The following SCFD1 variants were observed in gnomAD, a reference collection of about 807,000 sequenced individuals.
SCFD1 encodes the protein sec1 family domain containing 1.
SCFD1 carries 37 observed loss-of-function variants against 103.2 expected under a neutral mutation model. The ratio of observed to expected loss-of-function variants is 0.36; its 90% confidence interval spans 0.28 to 0.47. SCFD1 has a LOEUF of 0.47. Ranked by LOEUF, SCFD1 falls within the 20% of genes least tolerant of loss-of-function variation. SCFD1 has a pLI of 1.00. For missense variants in SCFD1, 639 were observed against 761.2 expected, an observed-to-expected ratio of 0.84 and a Z score of 1.89; for synonymous variants, 264 against 245.0, an observed-to-expected ratio of 1.08 and a Z score of -0.73.
At position 30,650,584 on chromosome 14, in the gene SCFD1, G is replaced by A. The variant is rs1158287996; in HGVS notation, c.689G>A (p.Arg230Gln). ...TTTCAGAAACTAGACAAGAAACTTCGAGAAAATCTAAGAGATGCAAGAAAC... is the reference window on the plus strand; with the variant it reads ...TTTCAGAAACTAGACAAGAAACTTCAAGAAAATCTAAGAGATGCAAGAAAC... Reference protein sequence around the residue: ...MVAVKLDKKLRENLRDARNSL... With the variant: ...MVAVKLDKKLQENLRDARNSL... The change falls in exon 9 of 25, where the codon CGA (arginine) becomes CAA (glutamine). Residue 230 changes from arginine (R) to glutamine (Q), a missense_variant. Physicochemically the swap from Arg to Gln is conservative, Grantham distance 43. Transcript: ENST00000458591. The A allele has an allele frequency of 6.2e-6, 10 of 1,607,824 alleles. No individual in the cohort carries two copies. Among genetic ancestry groups the A allele is most frequent in the African/African-American group, 1.3e-5 (1 of 74,846 alleles).
At chr14:30,707,541 G>A (rs991089928) in intron 18 of SCFD1, among the ~76,000 whole-genome samples, 4 of 152,048 alleles carry the variant, frequency 2.6e-5, no homozygotes, top group South Asian at 2.1e-4. Flanking sequence ...TGACTTACTC[G>A]TAATACTTGC....
At chr14:30,679,676 A>G (rs1400351897) in intron 14 of SCFD1, among the ~76,000 whole-genome samples, 2 of 127,878 alleles carry the variant, frequency 1.6e-5, no homozygotes, top group African/African-American at 2.6e-5. Flanking sequence ...TTCTTCACAT[A>G]AACTGACTTT....
At chr14:30,632,722 G>C (rs151068) in intron 3 of SCFD1, among the ~76,000 whole-genome samples, 1 of 152,162 alleles carries the variant, frequency 6.6e-6, no homozygotes, top group Non-Finnish European at 1.5e-5. Flanking sequence ...TTAAGTGATT[G>C]TCTCACATTT....
chr14:30,650,651 G>T lies in SCFD1; in HGVS notation c.755+1G>T, dbSNP rs2139101757. On this transcript the variant is annotated splice_donor_variant, in intron 9 of 24. Coordinates refer to ENST00000458591, the MANE Select transcript of SCFD1 (RefSeq NM_016106.4). LOFTEE classifies it high-confidence loss of function. ...ATACACTTGGAGCTGGCCAATTCAG[G>T]TATTACTGTTATTAAATACACTTGT... is the stretch of plus-strand genomic sequence containing the variant. 1 of 1,540,056 alleles carries T rather than the reference G, an allele frequency of 6.5e-7. No homozygotes were observed.
intron 21 of SCFD1, 34 bp downstream of exon 21, chr14:30,719,411 T>A: frequency 6.5e-7 from 1 of 1,528,584 alleles, no homozygotes; most frequent in Non-Finnish European, 9.0e-7. Context: ...ACTTGTGGAT[T>A]TTTTCCCCTC....
chr14:30,622,407 C>T lies in SCFD1; in HGVS notation c.61+8C>T, dbSNP rs1451081649. The T allele has an allele frequency of 2.1e-5, 32 of 1,551,718 alleles. No homozygotes were observed. The highest frequency in any genetic ancestry group is 2.6e-5 in the Non-Finnish European group (30 of 1,147,058). On this transcript the variant is annotated splice_region_variant and intron_variant, in intron 1 of 24. Coordinates refer to ENST00000458591, the MANE Select transcript of SCFD1 (RefSeq NM_016106.4). ...TTCGGGAAAGGCAGACAGGTACTGA[C>T]TTATTCTCTTCTCCTTGAAGCTTCG...
At chr14:30,699,576 A>G (rs1890933532) in intron 15 of SCFD1, among the ~76,000 whole-genome samples, 2 of 152,220 alleles carry the variant, frequency 1.3e-5, no homozygotes, top group Admixed American at 6.5e-5. Context: ...AATTTGAGGC[A>G]AATATATTCT....
chr14:30,694,309 T>C (rs8012506), intron 14 of SCFD1, among the ~76,000 whole-genome samples: 12,165 of 152,230 alleles, frequency 0.08, 789 homozygotes, highest in African/African-American at 0.17. Flanking sequence ...TCAAATATGG[T>C]AAACAAAATA....
intron 10 of SCFD1, among the ~76,000 whole-genome samples, chr14:30,668,202 T>C (rs192211325): frequency 7.3e-4 from 111 of 152,132 alleles, no homozygotes; most frequent in Non-Finnish European, 7.8e-4. Context: ...AAAACAGAGA[T>C]ATAGACCAGT....
intron 14 of SCFD1, among the ~76,000 whole-genome samples, chr14:30,677,354 C>G (rs2139235751): frequency 6.6e-6 from 1 of 152,196 alleles, no homozygotes; most frequent in Non-Finnish European, 1.5e-5. Flanking sequence ...GAATCATTAT[C>G]TTGCTAATGA....
chr14:30,721,838 TA>T, intron 21 of SCFD1, 45 bp from the exon 22 acceptor site: 1 of 1,514,492 alleles, frequency 6.6e-7, no homozygotes, highest in Non-Finnish European at 9.2e-7. Context: ...TTATTCATAA[TA>T]AAAGCCATGG....
At chr14:30,698,477 AAAGT>A (rs1890850355) in intron 15 of SCFD1, among the ~76,000 whole-genome samples, 1 of 152,200 alleles carries the variant, frequency 6.6e-6, no homozygotes, top group South Asian at 2.1e-4. Flanking sequence ...TTCTTTAAGC[AAAGT>A]AAGTATCTAC....
At chr14:30,708,175 C>T (rs1891604114) in intron 19 of SCFD1, 110 bp downstream of exon 19, 1 of 716,256 alleles carries the variant, frequency 1.4e-6, no homozygotes, top group Non-Finnish European at 2.4e-6. Flanking sequence ...AAATAGGAAT[C>T]ATAAAATCAA....
At chr14:30,636,925 C>A (rs541912897) in intron 4 of SCFD1, among the ~76,000 whole-genome samples, 1 of 152,118 alleles carries the variant, frequency 6.6e-6, no homozygotes, top group East Asian at 1.9e-4. Flanking sequence ...ATGCATCATT[C>A]TTTGACCACT....
At chr14:30,727,736 T>G (rs1473028495) in intron 23 of SCFD1, among the ~76,000 whole-genome samples, 1 of 152,106 alleles carries the variant, frequency 6.6e-6, no homozygotes, top group Non-Finnish European at 1.5e-5. Context: ...CCTTGATCCC[T>G]GAGTTAGGAG....
intron 6 of SCFD1, among the ~76,000 whole-genome samples, chr14:30,641,789 A>G (rs144467415): frequency 1.1e-3 from 168 of 152,266 alleles, no homozygotes; most frequent in African/African-American, 3.8e-3. Flanking sequence ...ACTTGGAGAT[A>G]TCCAGTTGAA....
chr14:30,625,402 A>T (rs566933478), intron 1 of SCFD1, among the ~76,000 whole-genome samples: 1 of 152,260 alleles, frequency 6.6e-6, no homozygotes, highest in Admixed American at 6.5e-5. Flanking sequence ...AAAAATTTTG[A>T]TTTTGGAGCA....
intron 14 of SCFD1, among the ~76,000 whole-genome samples, chr14:30,691,007 A>G (rs1359426030): frequency 1.3e-5 from 2 of 152,242 alleles, no homozygotes; most frequent in African/African-American, 2.4e-5. Flanking sequence ...TTGGAATTAC[A>G]GAAGTTGCTT....
At chr14:30,691,224 A>G (rs373392766) in intron 14 of SCFD1, among the ~76,000 whole-genome samples, 3 of 152,230 alleles carry the variant, frequency 2.0e-5, no homozygotes, top group South Asian at 4.1e-4. Flanking sequence ...CTTCATCTTT[A>G]AAATGAGATT....
Sources: allele counts gnomAD v4.1 joint callset (sites outside exome capture counted in the v4.1 genomes callset), GRCh38; gene constraint gnomAD v4.1.1; transcripts MANE v1.5; gene names NCBI Gene and HGNC (gene_info 2026-07-23, HGNC 2026-07-21).